GABRB2: variants seen among roughly 807,000 people sequenced by gnomAD.
The protein encoded by GABRB2 is gamma-aminobutyric acid type A receptor subunit beta2, also known as gamma-aminobutyric acid receptor subunit beta-2.
In GABRB2, 16 loss-of-function variants were observed where a neutral mutation model predicts 54.7. The observed-to-expected ratio is 0.29, with a 90% CI of 0.20 to 0.44. The LOEUF is 0.44. GABRB2 is among the 20% of genes least tolerant of loss of function. The probability of loss-of-function intolerance (pLI) is 1.00; values close to 1 mark genes in which losing one functional copy is unlikely to be tolerated. For missense variants in GABRB2, 355 were observed against 644.0 expected (o/e 0.55, Z 4.86); for synonymous variants, 244 against 233.8 (o/e 1.04, Z -0.40).
At chr5:161,306,802 A>T (rs1729829177) in intron 9 of GABRB2, among the ~76,000 whole-genome samples, 1 of 152,002 alleles carries the variant, frequency 6.6e-6, no homozygotes, top group Admixed American at 6.6e-5. Context: ...GCTTAAAAAA[A>T]TTAGAAGCAC....
chr5:161,488,974 G>A (rs1759017383), intron 3 of GABRB2, among the ~76,000 whole-genome samples: 1 of 151,712 alleles, frequency 6.6e-6, no homozygotes, highest in African/African-American at 2.4e-5. Flanking sequence ...TTTGTGTCAA[G>A]AGATAAACAT....
At chr5:161,305,307 C>A (rs189716872) in intron 9 of GABRB2, among the ~76,000 whole-genome samples, 5 of 152,132 alleles carry the variant, frequency 3.3e-5, no homozygotes, top group African/African-American at 4.8e-5. Context: ...TGAGCCACCA[C>A]GCCCGGCCGA....
At chr5:161,390,433 T>A (rs1010939678) in intron 5 of GABRB2, among the ~76,000 whole-genome samples, 1 of 151,992 alleles carries the variant, frequency 6.6e-6, no homozygotes, top group Non-Finnish European at 1.5e-5. Context: ...GGATACTAAC[T>A]AGGCATGATA....
At chr5:161,410,852 A>C (rs540925066) in intron 5 of GABRB2, 123 bp downstream of exon 5, 1 of 654,654 alleles carries the variant, frequency 1.5e-6, no homozygotes, top group South Asian at 2.1e-5. Flanking sequence ...CCCTCAACCA[A>C]ATTTAGTTGG....
At chr5:161,309,679 G>T (rs1757802460) in intron 9 of GABRB2, among the ~76,000 whole-genome samples, 1 of 150,452 alleles carries the variant, frequency 6.6e-6, no homozygotes, top group Non-Finnish European at 1.5e-5. Context: ...TGCTCAGGCT[G>T]GAGTGCAGTG....
In GABRB2 at chr5:161,454,699, A is replaced by G. The variant is rs1268956326; in HGVS notation, c.458+4925T>C. ...TTTTACACTGATTGATCACTGACTC[A>G]AAGAATGACTGGGTAGAAAATATTG... is the stretch of plus-strand genomic sequence containing the variant. On this transcript the variant is annotated intron_variant, in intron 4 of 9. Transcript: ENST00000393959. Among the ~76,000 whole-genome samples the G allele has an allele frequency of 7.2e-5, 11 of 152,174 alleles. 1 individual carries two copies. The highest frequency in any genetic ancestry group is 3.9e-4 in the Admixed American group (6 of 15,266).
intron 9 of GABRB2, among the ~76,000 whole-genome samples, chr5:161,305,105 T>C (rs932771014): frequency 6.9e-6 from 1 of 144,914 alleles, no homozygotes; most frequent in South Asian, 2.2e-4. Flanking sequence ...CAAGCTCCGC[T>C]TCCCGGGTTC....
chr5:161,485,028 T>C (rs1052587302), intron 3 of GABRB2, among the ~76,000 whole-genome samples: 1 of 151,998 alleles, frequency 6.6e-6, no homozygotes, highest in Non-Finnish European at 1.5e-5. Flanking sequence ...GCTAGATCTT[T>C]GCATAAGCTG....
intron 5 of GABRB2, among the ~76,000 whole-genome samples, chr5:161,364,063 C>A (rs1055036243): frequency 2.0e-4 from 30 of 152,122 alleles, no homozygotes; most frequent in African/African-American, 7.2e-4. Context: ...ACATTAAACA[C>A]TCATTATGTA....
intron 3 of GABRB2, among the ~76,000 whole-genome samples, chr5:161,475,475 G>T (rs1478835508): frequency 6.6e-6 from 1 of 151,782 alleles, no homozygotes; most frequent in African/African-American, 2.4e-5. Context: ...ATTTTATGTG[G>T]CCAGCATTAC....
chr5:161,422,882 T>C lies in GABRB2; in HGVS notation c.459-11825A>G, dbSNP rs116081405. Among the ~76,000 whole-genome samples, 295 of 152,298 alleles carry C rather than the reference T, an allele frequency of 1.9e-3. 3 individuals carry two copies. Among genetic ancestry groups the C allele is most frequent in the African/African-American group, 5.9e-3 (246 of 41,584 alleles). On this transcript the variant is annotated intron_variant, in intron 4 of 9. Coordinates refer to ENST00000393959, the MANE Select transcript of GABRB2 (RefSeq NM_001371727.1). ...GTTGGTGGAAATATCATCATTTAAT[T>C]ACAGGTTTTCAAAGTAGAAAAGATG... is the stretch of plus-strand genomic sequence containing the variant.
At chr5:161,534,221 G>A (rs937511079) in intron 3 of GABRB2, among the ~76,000 whole-genome samples, 2 of 152,104 alleles carry the variant, frequency 1.3e-5, no homozygotes, top group Non-Finnish European at 1.5e-5. Context: ...CCATTTCAGG[G>A]ATGCCAGTGG....
intron 4 of GABRB2, among the ~76,000 whole-genome samples, chr5:161,428,556 C>A (rs1757079238): frequency 6.6e-6 from 1 of 152,080 alleles, no homozygotes; most frequent in Admixed American, 6.6e-5. Context: ...AATGTATAAA[C>A]TTAAAACCTA....
chr5:161,430,625 A>C (rs17059452), intron 4 of GABRB2, among the ~76,000 whole-genome samples: 1 of 152,130 alleles, frequency 6.6e-6, no homozygotes, highest in African/African-American at 2.4e-5. Context: ...ATAACATGCT[A>C]TCATGACCAT....
intron 7 of GABRB2, among the ~76,000 whole-genome samples, chr5:161,333,014 A>G (rs1346580790): frequency 6.6e-6 from 1 of 152,164 alleles, no homozygotes; most frequent in Non-Finnish European, 1.5e-5. Flanking sequence ...ATGATCCTGT[A>G]TCATACGTAT....
At chr5:161,475,311 T>A (rs1758561751) in intron 3 of GABRB2, among the ~76,000 whole-genome samples, 1 of 151,974 alleles carries the variant, frequency 6.6e-6, no homozygotes, top group South Asian at 2.1e-4. Context: ...TGTGGCTTAA[T>A]GTTAATCCTC....
chr5:161,503,370 G>A (rs1408787563), intron 3 of GABRB2, among the ~76,000 whole-genome samples: 1 of 151,922 alleles, frequency 6.6e-6, no homozygotes, highest in Admixed American at 6.6e-5. Context: ...TAAAAAAGAG[G>A]AACAAAAGAC....
At chr5:161,307,702 A>G (rs1757729063) in intron 9 of GABRB2, among the ~76,000 whole-genome samples, 1 of 151,982 alleles carries the variant, frequency 6.6e-6, no homozygotes. Flanking sequence ...ATAGTTATGG[A>G]GCCTACCCTC....
At chr5:161,504,422 C>T (rs903489114) in intron 3 of GABRB2, among the ~76,000 whole-genome samples, 2 of 152,072 alleles carry the variant, frequency 1.3e-5, no homozygotes. Flanking sequence ...GGAAATCGCA[C>T]AACATTTAGA....
Sources: gnomAD v4.1 joint callset for allele counts (sites outside exome capture counted in the v4.1 genomes callset) on GRCh38, gnomAD v4.1.1 for gene constraint, MANE v1.5 for transcripts, NCBI Gene and HGNC (gene_info 2026-07-23, HGNC 2026-07-21) for gene names.